DOCK1: variants seen among roughly 807,000 people sequenced by gnomAD.
The protein encoded by DOCK1 is dedicator of cytokinesis 1.
Under a neutral mutation model 262.7 loss-of-function variants are expected in DOCK1, and 138 were observed. The observed-to-expected ratio is 0.53, with a 90% CI of 0.46 to 0.61. The LOEUF (loss-of-function observed/expected upper bound fraction) is 0.61. Ranked by LOEUF, DOCK1 falls within the 20% of genes least tolerant of loss-of-function variation. The probability of loss-of-function intolerance (pLI) is 0.00; values close to 1 mark genes in which losing one functional copy is unlikely to be tolerated. For missense variants in DOCK1, 1,908 were observed against 2,370.7 expected (o/e 0.80, Z 4.05); for synonymous variants, 866 against 867.4 (o/e 1.00, Z 0.03).
intron 27 of DOCK1, among the ~76,000 whole-genome samples, chr10:127,195,533 G>A (rs2057059204): frequency 7.7e-6 from 1 of 129,056 alleles, no homozygotes; most frequent in African/African-American, 2.6e-5. Context: ...TCCCCCCCCC[G>A]AAGTTAATCA....
chr10:127,356,208 C>T (rs984148140), intron 32 of DOCK1, among the ~76,000 whole-genome samples: 1 of 152,220 alleles, frequency 6.6e-6, no homozygotes, highest in African/African-American at 2.4e-5. Flanking sequence ...TGTCCTTGGC[C>T]TTCCTGCCAT....
At chr10:127,065,795 A>G (rs868140362) in intron 23 of DOCK1, among the ~76,000 whole-genome samples, 20 of 152,124 alleles carry the variant, frequency 1.3e-4, no homozygotes, top group Middle Eastern at 6.8e-3. Flanking sequence ...CGGAGGTTGC[A>G]GTGAGCCGAG....
chr10:126,970,617 AC>A (rs1329326076), intron 1 of DOCK1, 84 bp from the exon 2 acceptor site: 1 of 1,029,334 alleles, frequency 9.7e-7, no homozygotes, highest in Non-Finnish European at 1.5e-6. Context: ...ATTAAAAACA[AC>A]AACATTAAAA....
intron 1 of DOCK1, among the ~76,000 whole-genome samples, chr10:126,963,673 C>CCTTCCTTCCTTCCTTCCTTCCCTCCTT (rs2037453675): frequency 1.2e-5 from 1 of 82,376 alleles, no homozygotes; most frequent in African/African-American, 5.0e-5. Flanking sequence ...CTTCCTTCCT[C>CCTTCCTTCCTTCCTTCCTTCCCTCCTT]CCTCCCTTCC....
At chr10:126,946,142 C>T (rs902883186) in intron 1 of DOCK1, among the ~76,000 whole-genome samples, 31 of 152,178 alleles carry the variant, frequency 2.0e-4, no homozygotes, top group African/African-American at 7.5e-4. Flanking sequence ...TCCCCTTTAA[C>T]CCTTTAAAAA....
In DOCK1 at chr10:127,110,252, A is replaced by G. The variant is rs184254832; in HGVS notation, c.2521A>G (p.Met841Val). Residue 841 changes from methionine (M) to valine (V), a missense_variant, in exon 25 of 52, where the codon ATG (methionine) becomes GTG (valine). Transcript: ENST00000623213. ...CCCTTGTGTTTTTCCTCACAGCAAAATGTTTACTGAATTCATCCTCAATGT... is the reference window on the plus strand; with the variant it reads ...CCCTTGTGTTTTTCCTCACAGCAAAGTGTTTACTGAATTCATCCTCAATGT... ...LVFDPKELSKMFTEFILNVPM... is the reference protein window; with the variant it reads ...LVFDPKELSKVFTEFILNVPM... 45 of 1,612,506 alleles carry G rather than the reference A, an allele frequency of 2.8e-5. No homozygotes were observed. Among genetic ancestry groups the G allele is most frequent in the Admixed American group, 2.0e-4 (12 of 59,892 alleles).
intron 4 of DOCK1, among the ~76,000 whole-genome samples, chr10:126,986,534 A>G (rs867717575): frequency 2.6e-5 from 4 of 152,230 alleles, no homozygotes; most frequent in African/African-American, 9.6e-5. Context: ...CTTACTTAGC[A>G]TAGTGCCTGA....
intron 23 of DOCK1, among the ~76,000 whole-genome samples, chr10:127,075,076 GGAGAATCGCCTGAACAC>G (rs2135956052): frequency 6.7e-6 from 1 of 150,264 alleles, no homozygotes; most frequent in South Asian, 2.1e-4. Flanking sequence ...GGCTGAGGCA[GGAGAATCGCCTGAACAC>G]AGGAGGTGGA....
chr10:127,364,864 C>T (rs2064812507), intron 33 of DOCK1, among the ~76,000 whole-genome samples: 1 of 151,736 alleles, frequency 6.6e-6, no homozygotes. Context: ...TCCTCCCGTT[C>T]TCTCTCTTTT....
intron 22 of DOCK1, among the ~76,000 whole-genome samples, chr10:127,059,115 T>A (rs953303667): frequency 4.6e-5 from 7 of 152,222 alleles, no homozygotes; most frequent in Admixed American, 6.5e-5. Context: ...GTTATTTTCT[T>A]CTTCCATGTA....
At chr10:126,966,824 T>A (rs1269152900) in intron 1 of DOCK1, among the ~76,000 whole-genome samples, 1 of 152,212 alleles carries the variant, frequency 6.6e-6, no homozygotes, top group Non-Finnish European at 1.5e-5. Context: ...CAAAACATCA[T>A]CCAAGCAAAG....
At chr10:127,252,744 A>G (rs1432211076) in intron 28 of DOCK1, among the ~76,000 whole-genome samples, 1 of 150,874 alleles carries the variant, frequency 6.6e-6, no homozygotes, top group South Asian at 2.1e-4. Context: ...CCATTGATCT[A>G]TATCTCTGTT....
At position 127,000,494 on chromosome 10, in the gene DOCK1, T is replaced by C. The variant is rs77215898; in HGVS notation, c.985+187T>C. Reference sequence around the variant, plus strand: ...AGTTGACCTGCTAGGCTCAGGATGCTCTAGTCCTCAAGTTTCAGATATAAA... The same window carrying C: ...AGTTGACCTGCTAGGCTCAGGATGCCCTAGTCCTCAAGTTTCAGATATAAA... On this transcript the variant is annotated intron_variant, in intron 10 of 51. Transcript: ENST00000623213. 751 of 808,436 alleles carry C rather than the reference T, an allele frequency of 9.3e-4. 9 individuals carry two copies. The African/African-American group carries it at 0.012, about 12-fold the overall frequency. 50.1% of individuals were successfully genotyped at this position (808,436 alleles called of 1,614,324 possible). A position where few individuals can be genotyped will look rare whatever the true frequency, so the allele number is the denominator to read the frequency against.
chr10:127,169,917 G>C (rs2054407346), intron 27 of DOCK1, among the ~76,000 whole-genome samples: 1 of 152,062 alleles, frequency 6.6e-6, no homozygotes, highest in Non-Finnish European at 1.5e-5. Context: ...CCATCCCTCA[G>C]CTCTTTCTTC....
intron 1 of DOCK1, among the ~76,000 whole-genome samples, chr10:126,935,693 A>T (rs2034517401): frequency 1.3e-5 from 2 of 152,146 alleles, no homozygotes; most frequent in Admixed American, 1.3e-4. Flanking sequence ...TCCTGTGGTT[A>T]AGGTGCCCCT....
intron 1 of DOCK1, among the ~76,000 whole-genome samples, chr10:126,948,720 G>T (rs1047315074): frequency 3.4e-4 from 52 of 152,018 alleles, no homozygotes; most frequent in Non-Finnish European, 5.7e-4. Flanking sequence ...CGGGCGCCCA[G>T]CTGTGCAGCT....
intron 38 of DOCK1, among the ~76,000 whole-genome samples, chr10:127,396,419 A>C (rs144366153): frequency 6.6e-6 from 1 of 152,308 alleles, no homozygotes; most frequent in East Asian, 1.9e-4. Context: ...CAACCATGCC[A>C]TTATTGCTCT....
At position 126,999,313 on chromosome 10, in the gene DOCK1, A is replaced by T. The variant is rs373752011; in HGVS notation, c.768-41A>T. On this transcript the variant is annotated intron_variant, in intron 8 of 51. Transcript: ENST00000623213. Reference sequence around the variant, plus strand: ...GTGGATGTACATTTGGTACCCTGTTATTTGGAAAATTAACTTGCTTTTATT... The same window carrying T: ...GTGGATGTACATTTGGTACCCTGTTTTTTGGAAAATTAACTTGCTTTTATT... 1.5e-4 allele frequency: 231 copies of T among 1,535,106 alleles called. No individual in the cohort carries two copies. The African/African-American group carries it at 2.7e-3, about 18-fold the overall frequency.
intron 33 of DOCK1, among the ~76,000 whole-genome samples, chr10:127,370,949 G>A (rs561948680): frequency 5.3e-5 from 8 of 152,204 alleles, no homozygotes; most frequent in African/African-American, 1.7e-4. Flanking sequence ...TGCTTATTAC[G>A]TGAGTGAGCC....
Sources: gnomAD v4.1 joint callset for allele counts (sites outside exome capture counted in the v4.1 genomes callset) on GRCh38, gnomAD v4.1.1 for gene constraint, MANE v1.5 for transcripts, NCBI Gene and HGNC (gene_info 2026-07-23, HGNC 2026-07-21) for gene names.